CCDC178: variants seen among roughly 807,000 people sequenced by gnomAD.
The protein encoded by CCDC178 is coiled-coil domain-containing protein 178.
CCDC178 carries 126 observed loss-of-function variants against 117.4 expected under a neutral mutation model. The ratio of observed to expected loss-of-function variants is 1.07; its 90% CI spans 0.93 to 1.24. The LOEUF is 1.24. Ranked by LOEUF, CCDC178 falls within the 50% of genes most tolerant of loss-of-function variation. The pLI is 0.00. For missense variants in CCDC178, 1,030 were observed against 986.9 expected (o/e 1.04, Z -0.59); for synonymous variants, 283 against 313.4 (o/e 0.90, Z 1.02).
At position 33,211,893 on chromosome 18, in the gene CCDC178, C is replaced by A; in HGVS notation, c.2238+3G>T. 6.3e-7 allele frequency: 1 copy of A among 1,599,684 alleles called. No homozygotes were observed. The highest frequency in any genetic ancestry group is 1.1e-5 in the South Asian group (1 of 87,720). The stretch of plus-strand genomic sequence containing the variant: ...TTTTGAAACATGCAAAAATAATACT[C>A]ACTTGGGTATCTTGAAGAGTTTTTT... On this transcript the variant is annotated splice_donor_region_variant and intron_variant, in intron 20 of 22. Coordinates refer to ENST00000383096, the MANE Select transcript of CCDC178 (RefSeq NM_001105528.4).
At chr18:33,388,854 T>C (rs1469105950) in intron 5 of CCDC178, among the ~76,000 whole-genome samples, 2 of 151,986 alleles carry the variant, frequency 1.3e-5, no homozygotes, top group Non-Finnish European at 2.9e-5. Context: ...TGGATGAAAC[T>C]GGAAGCCATT....
intron 20 of CCDC178, among the ~76,000 whole-genome samples, chr18:33,143,103 A>G (rs2058227433): frequency 6.6e-6 from 1 of 152,210 alleles, no homozygotes; most frequent in Non-Finnish European, 1.5e-5. Flanking sequence ...AGAATTGTTG[A>G]AAGACTCAGA....
intron 3 of CCDC178, among the ~76,000 whole-genome samples, chr18:33,398,941 C>T (rs1374083403): frequency 2.0e-5 from 3 of 152,042 alleles, no homozygotes; most frequent in African/African-American, 4.8e-5. Context: ...ACAATATTTC[C>T]GTTTTAAAAA....
At chr18:33,193,045 G>A (rs1423432757) in intron 20 of CCDC178, among the ~76,000 whole-genome samples, 2 of 151,376 alleles carry the variant, frequency 1.3e-5, no homozygotes, top group Admixed American at 1.3e-4. Context: ...GGATCACGAG[G>A]TCAGGAGATT....
intron 11 of CCDC178, among the ~76,000 whole-genome samples, chr18:33,322,661 T>G (rs143486343): frequency 6.6e-6 from 1 of 151,674 alleles, no homozygotes; most frequent in Non-Finnish European, 1.5e-5. Flanking sequence ...TTAGAAAATA[T>G]ATCCAATTGA....
At chr18:33,210,473 C>T (rs1456113307) in intron 20 of CCDC178, among the ~76,000 whole-genome samples, 2 of 151,992 alleles carry the variant, frequency 1.3e-5, no homozygotes, top group African/African-American at 4.8e-5. Context: ...CCATCTTTTG[C>T]CATTTCACTA....
chr18:33,103,379 G>T (rs2057658951), intron 20 of CCDC178, among the ~76,000 whole-genome samples: 1 of 151,644 alleles, frequency 6.6e-6, no homozygotes, highest in South Asian at 2.1e-4. Context: ...TTCAATATGA[G>T]ATTTGGTGGG....
intron 5 of CCDC178, among the ~76,000 whole-genome samples, chr18:33,376,915 G>T (rs2063374932): frequency 6.6e-6 from 1 of 152,188 alleles, no homozygotes; most frequent in Non-Finnish European, 1.5e-5. Flanking sequence ...ATGAACAAAT[G>T]AGTGCGTTGT....
At chr18:33,262,533 C>T (rs1447767803) in intron 14 of CCDC178, among the ~76,000 whole-genome samples, 1 of 152,176 alleles carries the variant, frequency 6.6e-6, no homozygotes, top group Non-Finnish European at 1.5e-5. Flanking sequence ...CAGTCCTCAA[C>T]TGAGTCAAAA....
intron 2 of CCDC178, among the ~76,000 whole-genome samples, chr18:33,434,972 C>T (rs986921796): frequency 6.6e-6 from 1 of 152,114 alleles, no homozygotes; most frequent in African/African-American, 2.4e-5. Flanking sequence ...CGGGCTACAT[C>T]TTCAAATGTG....
At chr18:33,325,685 T>G (rs1228248237) in intron 10 of CCDC178, among the ~76,000 whole-genome samples, 1 of 152,182 alleles carries the variant, frequency 6.6e-6, no homozygotes, top group Non-Finnish European at 1.5e-5. Flanking sequence ...TGAGTTTCCC[T>G]TTGATACTGG....
chr18:33,270,415 A>T (rs980196048), intron 12 of CCDC178, among the ~76,000 whole-genome samples: 4 of 151,592 alleles, frequency 2.6e-5, no homozygotes, highest in African/African-American at 9.7e-5. Context: ...AGTTGTAAAA[A>T]CTCAAAGATA....
chr18:33,354,698 CCT>C (rs1217726691), intron 7 of CCDC178, among the ~76,000 whole-genome samples: 1 of 151,772 alleles, frequency 6.6e-6, no homozygotes, highest in African/African-American at 2.4e-5. Context: ...GCAACCTCCA[CCT>C]CCCGGGTTCA....
chr18:33,427,056 T>C (rs1264004436), intron 2 of CCDC178, among the ~76,000 whole-genome samples: 3 of 152,158 alleles, frequency 2.0e-5, no homozygotes, highest in Non-Finnish European at 4.4e-5. Context: ...ATAAACTATA[T>C]GTCAATATTC....
intron 21 of CCDC178, among the ~76,000 whole-genome samples, chr18:33,064,190 G>A (rs272938): frequency 0.14 from 21,695 of 152,110 alleles, 2,402 homozygotes; most frequent in African/African-American, 0.31. Context: ...TTCTCCCATA[G>A]TAGAGCCCAA....
chr18:33,290,745 G>A (rs371550054), intron 12 of CCDC178, among the ~76,000 whole-genome samples: 1 of 151,990 alleles, frequency 6.6e-6, no homozygotes, highest in Non-Finnish European at 1.5e-5. Flanking sequence ...GAGTGTTCAG[G>A]TGAAGATGGT....
chr18:33,275,934 T>G (rs535898282), intron 12 of CCDC178, among the ~76,000 whole-genome samples: 1 of 151,836 alleles, frequency 6.6e-6, no homozygotes, highest in Admixed American at 6.6e-5. Context: ...CTAATAACCT[T>G]GATATATATC....
intron 6 of CCDC178, among the ~76,000 whole-genome samples, chr18:33,361,179 T>G (rs976181976): frequency 6.6e-6 from 1 of 151,422 alleles, no homozygotes; most frequent in East Asian, 1.9e-4. Flanking sequence ...AGTCCAGAAA[T>G]AAGTTAAAAC....
intron 21 of CCDC178, among the ~76,000 whole-genome samples, chr18:33,038,206 G>A (rs1192250532): frequency 6.6e-6 from 1 of 151,870 alleles, no homozygotes; most frequent in Non-Finnish European, 1.5e-5. Flanking sequence ...AGTCAACATG[G>A]TTAAATTAGC....
Sources: gnomAD v4.1 joint callset for allele counts (sites outside exome capture counted in the v4.1 genomes callset) on GRCh38, gnomAD v4.1.1 for gene constraint, MANE v1.5 for transcripts, NCBI Gene and HGNC (gene_info 2026-07-23, HGNC 2026-07-21) for gene names.